ITGAE: variants seen among roughly 807,000 people sequenced by gnomAD.
ITGAE encodes the protein integrin alpha-E.
A neutral mutation model predicts 136.5 loss-of-function variants in ITGAE; 99 were observed. The observed-to-expected ratio is 0.73, with a 90% CI of 0.62 to 0.86. ITGAE has a LOEUF of 0.86. Among genes scored for constraint, ITGAE ranks in the 40% least tolerant of loss-of-function variants. The probability of loss-of-function intolerance (pLI) is 0.00; values close to 1 mark genes in which losing one functional copy is unlikely to be tolerated. For synonymous variants in ITGAE, 613 were observed against 591.8 expected (o/e 1.04, Z -0.52); for missense variants, 1,447 against 1,515.3 (o/e 0.95, Z 0.75).
chr17:3,747,039 G>A (rs2051733639), intron 17 of ITGAE, among the ~76,000 whole-genome samples: 1 of 152,242 alleles, frequency 6.6e-6, no homozygotes, highest in Non-Finnish European at 1.5e-5. Context: ...CTGTTGCTGA[G>A]GAATCGTTCC....
chr17:3,754,459 A>T (rs771133206), intron 12 of ITGAE, among the ~76,000 whole-genome samples: 2 of 152,152 alleles, frequency 1.3e-5, no homozygotes, highest in Non-Finnish European at 2.9e-5. Context: ...TTTAGTAGAG[A>T]CAGGGTTTTG....
rs535862662 is a variant in ITGAE, at chr17:3,761,409, C to G, written c.427G>C (p.Asp143His). 1.3e-5 allele frequency: 21 copies of G among 1,611,000 alleles called. No homozygotes were observed. In the South Asian group the frequency reaches 1.8e-4, roughly 14 times the overall value. ...LRPQAQANFF[D>H]LENLLDPDAR... ...GTGAATGTCCAATCCTTACCAAGGTCGAAGAAGTTGGCCTGAGCCTGGGGA... is the reference window on the plus strand; with the variant it reads ...GTGAATGTCCAATCCTTACCAAGGTGGAAGAAGTTGGCCTGAGCCTGGGGA... Residue 143 changes from aspartate to histidine, a missense_variant, in exon 5 of 31, where the codon GAC (aspartate) becomes CAC (histidine). Physicochemically the swap from Asp to His is moderately conservative, Grantham distance 81. This residue lies in a region of ITGAE where 310 missense variants were observed against 416.1 expected (regional missense o/e 0.74). Transcript: ENST00000263087.
At position 3,721,260 on chromosome 17, in the gene ITGAE, CTTTTTTTTTTTT is replaced by C. The variant is rs869087347; in HGVS notation, c.3238-870_3238-859del. On this transcript the variant is annotated intron_variant, in intron 28 of 30. Coordinates refer to ENST00000263087, the MANE Select transcript of ITGAE (RefSeq NM_002208.5). ...TTTTATTTAACGTAAGAGATTTTTC[CTTTTTTTTTTTT>C]TTTTTTTTTTTTTTTTTGAGACAAG... Among the ~76,000 whole-genome samples the C allele has an allele frequency of 1.0e-3, 48 of 46,220 alleles. 1 individual carries two copies. In the South Asian group the frequency reaches 0.053, roughly 51 times the overall value. 30.3% of individuals were successfully genotyped at this position (46,220 alleles called of 152,430 possible).
At chr17:3,740,966 A>AG (rs1461857000) in intron 19 of ITGAE, among the ~76,000 whole-genome samples, 2 of 152,156 alleles carry the variant, frequency 1.3e-5, no homozygotes, top group East Asian at 3.8e-4. Context: ...AGGGCTTGAA[A>AG]GGGAACTTTC....
At chr17:3,775,003 C>G (rs1402824303) in intron 2 of ITGAE, among the ~76,000 whole-genome samples, 1 of 152,016 alleles carries the variant, frequency 6.6e-6, no homozygotes, top group Non-Finnish European at 1.5e-5. Context: ...TGCAGTGGCA[C>G]AATCGCGGCT....
chr17:3,752,288 C>T (rs1005485470), intron 14 of ITGAE, among the ~76,000 whole-genome samples: 3 of 152,326 alleles, frequency 2.0e-5, no homozygotes, highest in Non-Finnish European at 2.9e-5. Flanking sequence ...GGGTTTCACT[C>T]GTGGCTCTGC....
At chr17:3,720,467 A>G (rs990711503) in intron 28 of ITGAE, 65 bp from the exon 29 acceptor site, 3 of 767,342 alleles carry the variant, frequency 3.9e-6, no homozygotes, top group Non-Finnish European at 7.0e-6. Flanking sequence ...ACTGTGTTTG[A>G]ACAGCCTTCA....
intron 20 of ITGAE, among the ~76,000 whole-genome samples, chr17:3,739,155 G>A (rs1379064611): frequency 6.6e-6 from 1 of 151,872 alleles, no homozygotes; most frequent in Non-Finnish European, 1.5e-5. Flanking sequence ...CACATAGCTC[G>A]TTCCCCTACC....
chr17:3,794,578 C>T (rs898924754), intron 1 of ITGAE, among the ~76,000 whole-genome samples: 2 of 152,194 alleles, frequency 1.3e-5, no homozygotes, highest in African/African-American at 4.8e-5. Flanking sequence ...CCTACATAGA[C>T]TCTCAAAGGT....
chr17:3,748,955 G>T (rs916084994), intron 16 of ITGAE, among the ~76,000 whole-genome samples: 1 of 152,174 alleles, frequency 6.6e-6, no homozygotes, highest in African/African-American at 2.4e-5. Flanking sequence ...AGGAGTTTCA[G>T]GCAGCAGAGT....
At chr17:3,790,772 G>A (rs1232474857) in intron 1 of ITGAE, among the ~76,000 whole-genome samples, 1 of 152,164 alleles carries the variant, frequency 6.6e-6, no homozygotes, top group Non-Finnish European at 1.5e-5. Flanking sequence ...AAATGGGGAT[G>A]GGGGTGCACT....
At chr17:3,768,815 T>C (rs1166203560) in intron 2 of ITGAE, among the ~76,000 whole-genome samples, 1 of 152,192 alleles carries the variant, frequency 6.6e-6, no homozygotes, top group African/African-American at 2.4e-5. Context: ...GGATCTTGTC[T>C]ATCTTCTTCA....
chr17:3,797,372 A>G (rs940246983), intron 1 of ITGAE, among the ~76,000 whole-genome samples: 26 of 150,428 alleles, frequency 1.7e-4, no homozygotes, highest in South Asian at 8.4e-4. Context: ...TCACTGTGTT[A>G]GCCAGGATGG....
At chr17:3,789,206 C>A (rs982205016) in intron 1 of ITGAE, among the ~76,000 whole-genome samples, 6 of 151,976 alleles carry the variant, frequency 3.9e-5, no homozygotes, top group African/African-American at 1.5e-4. Flanking sequence ...TTGATCACAC[C>A]ACAGCACTCC....
Position 3,755,367 on chromosome 17 carries a change from G to T in ITGAE, c.1240-106C>A. 3 of 1,329,276 alleles carry T rather than the reference G, an allele frequency of 2.3e-6. No homozygotes were observed. The South Asian group carries it at 4.6e-5, about 20-fold the overall frequency. 82.3% of individuals were successfully genotyped at this position (1,329,276 alleles called of 1,614,324 possible). A position where few individuals can be genotyped will look rare whatever the true frequency, so the allele number is the denominator to read the frequency against. ...CGCGGCTAACCTGGCTGGGAGCAGG[G>T]GGGCGTTCGGTGGTCTAGTGCCCGC... On this transcript the variant is annotated intron_variant, in intron 11 of 30. Coordinates refer to ENST00000263087, the MANE Select transcript of ITGAE (RefSeq NM_002208.5).
rs574865287 is a variant in ITGAE, at chr17:3,727,992, T to G, written c.3011A>C (p.Gln1004Pro). 7.2e-5 allele frequency: 116 copies of G among 1,614,120 alleles called. No homozygotes were observed. The South Asian group carries it at 1.3e-3, about 17-fold the overall frequency. The change falls in exon 26 of 31, where the codon CAG becomes CCG. Residue 1004 changes from glutamine (Q) to proline (P), a missense_variant. This residue lies in a region of ITGAE where 1,031 missense variants were observed against 1,011.4 expected (regional missense o/e 1.02). Transcript: ENST00000263087. ...HGENLFGAEY[Q>P]LQICVPTKLR... ...TTTGGTTGGGACGCAAATTTGCAAC[T>G]GGTATTCTGCTCCAAAGAGGTTCTC...
chr17:3,719,234 T>TAAAAAAAAAAAAAAAAAAAAA (rs2050999265), intron 29 of ITGAE, among the ~76,000 whole-genome samples: 7 of 34,810 alleles, frequency 2.0e-4, no homozygotes, highest in African/African-American at 7.3e-4. Context: ...AGATTCTTCC[T>TAAAAAAAAAAAAAAAAAAAAA]CAAAAAAAAA....
rs781000850 is a variant in ITGAE at position 3,751,798 on chromosome 17, G to A, written c.1745C>T (p.Ala582Val). 1.4e-5 allele frequency: 23 copies of A among 1,614,098 alleles called. No individual in the cohort carries two copies. Among genetic ancestry groups the A allele is most frequent in the South Asian group, 3.3e-5 (3 of 91,082 alleles). The change falls in exon 15 of 31, where the codon GCG (alanine) becomes GTG (valine). Residue 582 changes from alanine to valine, a missense_variant. Ala to Val is a moderately conservative substitution (Grantham distance 64). Coordinates refer to ENST00000263087, the MANE Select transcript of ITGAE (RefSeq NM_002208.5). ...FTNARFGFAM[A>V]AMGDLSQDKL... Reference sequence around the variant, plus strand: ...ATCCTGACTGAGATCCCCCATAGCCGCCATGGCAAAGCCAAAGCGGGCATT... The same window carrying A: ...ATCCTGACTGAGATCCCCCATAGCCACCATGGCAAAGCCAAAGCGGGCATT...
intron 2 of ITGAE, among the ~76,000 whole-genome samples, chr17:3,764,644 C>T (rs574233814): frequency 6.6e-6 from 1 of 152,198 alleles, no homozygotes; most frequent in African/African-American, 2.4e-5. Context: ...TTGCAGTGAG[C>T]GGAGATCACG....
Sources: gnomAD v4.1 joint callset for allele counts (sites outside exome capture counted in the v4.1 genomes callset) on GRCh38, gnomAD v4.1.1 for gene constraint, gnomAD v4.1.1 regional missense constraint, MANE v1.5 for transcripts, NCBI Gene and HGNC (gene_info 2026-07-23, HGNC 2026-07-21) for gene names.